Variants in ZC3H3 observed in about 807,000 individuals in gnomAD.
The protein encoded by ZC3H3 is zinc finger CCCH-type containing 3.
A neutral mutation model predicts 77.3 loss-of-function variants in ZC3H3; 36 were observed. The ratio of observed to expected loss-of-function variants is 0.47; its 90% CI spans 0.36 to 0.61. The LOEUF is 0.61. Among genes scored for constraint, ZC3H3 ranks in the 20% least tolerant of loss-of-function variants. The pLI is 0.00. For synonymous variants in ZC3H3, 626 were observed against 555.2 expected, an observed-to-expected ratio of 1.13 and a Z score of -1.79; for missense variants, 1,331 against 1,312.2, an observed-to-expected ratio of 1.01 and a Z score of -0.22.
rs777031328 is a variant in ZC3H3, at chr8:143,465,722, C to T, written c.2302G>A (p.Ala768Thr). ...GGCCCCCACAGACCACTCACCTTTG[C>T]ACCCAGGGGGCAGTAGCCTTTGAGG... is the stretch of plus-strand genomic sequence containing the variant. ...DFLKGYCPLG[A>T]KCKKKHTLLC... Residue 768 changes from alanine (A) to threonine (T), a missense_variant, in exon 9 of 12, where the codon GCA (alanine) becomes ACA (threonine). Coordinates refer to ENST00000262577, the MANE Select transcript of ZC3H3 (RefSeq NM_015117.3). The T allele has an allele frequency of 3.1e-6, 5 of 1,613,768 alleles. No homozygotes were observed. Among genetic ancestry groups the T allele is most frequent in the Non-Finnish European group, 3.4e-6 (4 of 1,179,968 alleles).
At chr8:143,523,389 GC>G (rs1398850618) in intron 3 of ZC3H3, 2 of 985,432 alleles carry the variant, frequency 2.0e-6, no homozygotes, top group Non-Finnish European at 2.4e-6. Context: ...CTGCCGCGAC[GC>G]CCCTGCAGTT....
At chr8:143,525,293 G>C (rs1273047023) in intron 3 of ZC3H3, among the ~76,000 whole-genome samples, 1 of 152,258 alleles carries the variant, frequency 6.6e-6, no homozygotes, top group Non-Finnish European at 1.5e-5. Context: ...GCACAGCCTC[G>C]GAGAGCCACA....
chr8:143,533,901 C>G lies in ZC3H3; in HGVS notation c.1561+2356G>C, dbSNP rs1407439005. Among the ~76,000 whole-genome samples, 2 of 152,060 alleles carry G rather than the reference C, an allele frequency of 1.3e-5. No individual in the cohort carries two copies. Among genetic ancestry groups the G allele is most frequent in the African/African-American group, 2.4e-5 (1 of 41,432 alleles). On this transcript the variant is annotated intron_variant, in intron 3 of 11. Coordinates refer to ENST00000262577, the MANE Select transcript of ZC3H3 (RefSeq NM_015117.3). This position sits in a 1 kb window ranked among gnomAD's most constrained non-coding sequence, Gnocchi z 4.0. ...ATGTTGCCAAGGCTGGTCTTGAACT[C>G]CTGACCTCAGGTGATCCACCCGCCT...
At chr8:143,469,101 T>G (rs1340613010) in intron 5 of ZC3H3, among the ~76,000 whole-genome samples, 1 of 152,216 alleles carries the variant, frequency 6.6e-6, no homozygotes, top group African/African-American at 2.4e-5. Flanking sequence ...GTGCCCACCC[T>G]GGGCCAAGGC....
At chr8:143,453,129 G>A (rs1398690301) in intron 9 of ZC3H3, among the ~76,000 whole-genome samples, 1 of 152,186 alleles carries the variant, frequency 6.6e-6, no homozygotes, top group Non-Finnish European at 1.5e-5. Flanking sequence ...TCACTCTCTT[G>A]CCTAGTGGTA....
chr8:143,475,530 G>C lies in ZC3H3; in HGVS notation c.1771C>G (p.Pro591Ala). Residue 591 changes from proline (P) to alanine (A), a missense_variant, in exon 5 of 12, where the codon CCG (proline) becomes GCG (alanine). Physicochemically the swap from Pro to Ala is conservative, Grantham distance 27. Coordinates refer to ENST00000262577, the MANE Select transcript of ZC3H3 (RefSeq NM_015117.3). ...TTGCTCCGCCACCAAGGGGAGCCCG[G>C]TTGGGCTTTCCCACCCCCGCTGGCA... Reference protein sequence around the residue: ...PVASGGGKAQPGSPWWRSKGY... With the variant: ...PVASGGGKAQAGSPWWRSKGY... The C allele has an allele frequency of 6.2e-7, 1 of 1,611,240 alleles. No individual in the cohort carries two copies. Among genetic ancestry groups the C allele is most frequent in the African/African-American group, 1.3e-5 (1 of 75,044 alleles).
Position 143,489,937 on chromosome 8 carries a change from A to G in ZC3H3, c.1716-14352T>C, listed in dbSNP as rs565433667. Among the ~76,000 whole-genome samples, 39 of 152,156 alleles carry G rather than the reference A, an allele frequency of 2.6e-4. No homozygotes were observed. In the East Asian group the frequency reaches 5.4e-3, roughly 21 times the overall value. On this transcript the variant is annotated intron_variant, in intron 4 of 11. Transcript: ENST00000262577. ...GGAAAGTGGTGGGTGCATCCTACCC[A>G]CTGTGGTCCCTGGGCCGGTCCCTGG...
chr8:143,531,422 C>A (rs1031363560), intron 3 of ZC3H3, among the ~76,000 whole-genome samples: 2 of 152,192 alleles, frequency 1.3e-5, no homozygotes, highest in Non-Finnish European at 2.9e-5. Context: ...CAGAGGACTT[C>A]GGAGGGCCGG....
At chr8:143,501,109 A>T (rs1332752664) in intron 4 of ZC3H3, among the ~76,000 whole-genome samples, 3 of 149,416 alleles carry the variant, frequency 2.0e-5, no homozygotes, top group Non-Finnish European at 4.5e-5. Flanking sequence ...GAGCCACTGC[A>T]CCCGGCCATG....
intron 5 of ZC3H3, among the ~76,000 whole-genome samples, chr8:143,472,632 C>T (rs1358642613): frequency 1.3e-5 from 2 of 152,212 alleles, no homozygotes; most frequent in Non-Finnish European, 2.9e-5. Flanking sequence ...TCTGTGGACA[C>T]TGAGGGATGG....
intron 5 of ZC3H3, among the ~76,000 whole-genome samples, chr8:143,472,971 T>C (rs1820617525): frequency 6.6e-6 from 1 of 152,192 alleles, no homozygotes; most frequent in African/African-American, 2.4e-5. Flanking sequence ...ATCCCCTCCC[T>C]GGCTCCAGCT....
intron 4 of ZC3H3, among the ~76,000 whole-genome samples, chr8:143,503,624 ACCAC>A (rs1449749282): frequency 1.1e-4 from 5 of 45,824 alleles, no homozygotes; most frequent in African/African-American, 4.4e-4. Context: ...CGGCTCCACC[ACCAC>A]CTCCTCCAGC....
chr8:143,439,776 G>A (rs955688708), intron 11 of ZC3H3, among the ~76,000 whole-genome samples: 4 of 152,228 alleles, frequency 2.6e-5, no homozygotes, highest in African/African-American at 9.6e-5. Flanking sequence ...GTGGTCTGAG[G>A]GGGCATTTAA....
intron 1 of ZC3H3, among the ~76,000 whole-genome samples, chr8:143,541,044 T>G (rs930621508): frequency 6.6e-6 from 1 of 152,170 alleles, no homozygotes; most frequent in Non-Finnish European, 1.5e-5. Flanking sequence ...AGCCCCGCAG[T>G]GGGGCGCGGG....
rs1020736649 is a variant in ZC3H3 at position 143,460,521 on chromosome 8, A to G, written c.2307+5196T>C. Among the ~76,000 whole-genome samples the G allele has an allele frequency of 6.6e-5, 10 of 152,282 alleles. No individual in the cohort carries two copies. Among genetic ancestry groups the G allele is most frequent in the Non-Finnish European group, 1.3e-4 (9 of 68,016 alleles). ...ACACTTGCCGATTCCTCAGAAAGCTAAACACAGAATTACTCAGACTCCAGC... is the reference window on the plus strand; with the variant it reads ...ACACTTGCCGATTCCTCAGAAAGCTGAACACAGAATTACTCAGACTCCAGC... On this transcript the variant is annotated intron_variant, in intron 9 of 11. Coordinates refer to ENST00000262577, the MANE Select transcript of ZC3H3 (RefSeq NM_015117.3). This position sits in a 1 kb window ranked among gnomAD's most constrained non-coding sequence, Gnocchi z 4.0.
At chr8:143,474,199 G>A (rs562571291) in intron 5 of ZC3H3, among the ~76,000 whole-genome samples, 1 of 152,136 alleles carries the variant, frequency 6.6e-6, no homozygotes, top group Non-Finnish European at 1.5e-5. Context: ...GGCACACACA[G>A]GGGTGACACA....
intron 3 of ZC3H3, among the ~76,000 whole-genome samples, chr8:143,509,753 G>A (rs551825756): frequency 6.6e-6 from 1 of 152,290 alleles, no homozygotes; most frequent in Admixed American, 6.5e-5. Context: ...TCGGGACACT[G>A]GGCCACCCTC....
rs752631772 is a variant in ZC3H3 at position 143,440,994 on chromosome 8, C to T, written c.2434G>A (p.Ala812Thr). 1.3e-5 allele frequency: 19 copies of T among 1,469,076 alleles called. No homozygotes were observed. Among genetic ancestry groups the T allele is most frequent in the Middle Eastern group, 1.8e-4 (1 of 5,582 alleles). The allele number at this position is 1,469,076 out of a possible 1,614,324, so 91.0% of individuals were successfully genotyped here. A position where few individuals can be genotyped will look rare whatever the true frequency, so the allele number is the denominator to read the frequency against. The change falls in exon 10 of 12, where the codon GCC becomes ACC. Residue 812 changes from alanine to threonine, a missense_variant. Around this residue, in one of 3 missense-constraint regions of ZC3H3, gnomAD observed 249 missense variants for 236.9 expected, o/e 1.05. Coordinates refer to ENST00000262577, the MANE Select transcript of ZC3H3 (RefSeq NM_015117.3). ...GCGGTTGCGTCGCTGGGCCCTGGGG[C>T]GGGGGACGTGGCTGCCCGCCGACTG... ...RHSRRAATSP[A>T]PGPSDATARS... is the part of the protein sequence containing the mutation.
chr8:143,534,296 A>C (rs1469389896), intron 3 of ZC3H3, among the ~76,000 whole-genome samples: 2 of 144,986 alleles, frequency 1.4e-5, no homozygotes, highest in African/African-American at 2.5e-5. Context: ...AAAAAAAAAA[A>C]CGACGAGATC....
Sources: gnomAD v4.1 joint callset for allele counts (sites outside exome capture counted in the v4.1 genomes callset) on GRCh38, gnomAD v4.1.1 for gene constraint, gnomAD v4.1.1 regional missense constraint, Gnocchi (gnomAD v3.1) non-coding constraint, MANE v1.5 for transcripts, NCBI Gene and HGNC (gene_info 2026-07-23, HGNC 2026-07-21) for gene names.